SLC26A1: variants seen among roughly 807,000 people sequenced by gnomAD.
SLC26A1 encodes the protein sulfate anion transporter 1.
Under a neutral mutation model 14.5 loss-of-function variants are expected in SLC26A1, and 18 were observed. The ratio of observed to expected loss-of-function variants is 1.24; its 90% CI spans 0.86 to 1.84. The LOEUF is 1.84. SLC26A1 is among the 40% of genes most tolerant of loss of function. The pLI, the probability that SLC26A1 is intolerant of heterozygous loss-of-function variation, is 0.00. For synonymous variants in SLC26A1, 505 were observed against 492.0 expected (o/e 1.03, Z -0.35); for missense variants, 1,049 against 1,020.0 (o/e 1.03, Z -0.39).
In SLC26A1 at chr4:991,342, A is replaced by T. The variant is rs761782817; in HGVS notation, c.362T>A (p.Val121Asp). 3.1e-6 allele frequency: 5 copies of T among 1,612,868 alleles called. No homozygotes were observed. The highest frequency in any genetic ancestry group is 4.2e-6 in the Non-Finnish European group (5 of 1,179,928). ...AAGCAGGCTGAAGATGCCCACGGAG[A>T]CATGCCGTGAGGTGCCCATGAGGAA... Reference protein sequence around the residue: ...IYFLMGTSRHVSVGIFSLLCL... With the variant: ...IYFLMGTSRHDSVGIFSLLCL... Residue 121 changes from valine (V) to aspartate (D), a missense_variant, in exon 2 of 3, where the codon GTC (valine) becomes GAC (aspartate). Coordinates refer to ENST00000398516, the MANE Select transcript of SLC26A1 (RefSeq NM_022042.4).
At position 988,841 on chromosome 4, in the gene SLC26A1, G is replaced by C. The variant is rs1375582067; in HGVS notation, c.2098C>G (p.His700Asp). The change falls in exon 3 of 3, where the codon CAT (histidine) becomes GAT (aspartate). Residue 700 changes from histidine to aspartate, a missense_variant. By Grantham distance (81) the His-to-Asp change is moderately conservative. Transcript: ENST00000398516. ...RHRELEATDAHL is the reference protein window; with the variant it reads ...RHRELEATDADL Reference sequence around the variant, plus strand: ...GGGCAGGCCTGGCCCTGCTACAGATGGGCATCGGTGGCCTCCAGCTCCCTG... The same window carrying C: ...GGGCAGGCCTGGCCCTGCTACAGATCGGCATCGGTGGCCTCCAGCTCCCTG... 3.8e-6 allele frequency: 6 copies of C among 1,595,752 alleles called. No homozygotes were observed. Among genetic ancestry groups the C allele is most frequent in the African/African-American group, 2.7e-5 (2 of 74,574 alleles).
chr4:979,086 T>C (rs1026573289), exon 3 of SLC26A1: 4 of 208,328 alleles, frequency 1.9e-5, no homozygotes, highest in African/African-American at 9.2e-5. Flanking sequence ...TGCAATATCA[T>C]CTTCCACAGA....
chr4:987,130 T>G, downstream of SLC26A1: 2 of 1,438,082 alleles, frequency 1.4e-6, no homozygotes, highest in Non-Finnish European at 1.8e-6. Flanking sequence ...GCTCCTGGCC[T>G]CGCTCCTGGC....
Position 989,474 on chromosome 4 carries a change from C to T in SLC26A1, c.1465G>A (p.Gly489Arg), listed in dbSNP as rs779730277. 47 of 1,553,968 alleles carry T rather than the reference C, an allele frequency of 3.0e-5. No individual in the cohort carries two copies. The highest frequency in any genetic ancestry group is 2.1e-4 in the South Asian group (18 of 84,532). The change falls in exon 3 of 3, where the codon GGG becomes AGG. Residue 489 changes from glycine to arginine, a missense_variant. By Grantham distance (125) the Gly-to-Arg change is moderately radical. Transcript: ENST00000398516. Reference protein sequence around the residue: ...ATCMLVSTEAGLLAGVILSLL... With the variant: ...ATCMLVSTEARLLAGVILSLL... ...GAGAGGATGACGCCAGCCAGCAGCC[C>T]GGCCTCTGTGCTGACCAGCATACAG...
chr4:980,865 G>A (rs1713517984), intron 2 of SLC26A1, among the ~76,000 whole-genome samples: 1 of 151,870 alleles, frequency 6.6e-6, no homozygotes, highest in East Asian at 1.9e-4. Flanking sequence ...TCGGGAGAAA[G>A]GAAAAAACAG....
rs1353232878 is a variant in SLC26A1 at position 987,925 on chromosome 4, G to A, written c.*908C>T. ...GGCATCAAGCAGGTCCGGACCCACT[G>A]GCTGCTGGAGCTTGTCACCACCAGG... On this transcript the variant is annotated 3_prime_UTR_variant, in exon 3 of 3. Coordinates refer to ENST00000398516, the MANE Select transcript of SLC26A1 (RefSeq NM_022042.4). 1 of 1,593,990 alleles carries A rather than the reference G, an allele frequency of 6.3e-7. No individual in the cohort carries two copies. The highest frequency in any genetic ancestry group is 2.3e-5 in the East Asian group (1 of 43,750).
rs777698606 is a variant in SLC26A1, at chr4:987,949, G to A, written c.*884C>T. ...TGGCTGCTGGAGCTTGTCACCACCA[G>A]GTGGGCGGCGGGCAGGGTCTGGGCG... is the stretch of plus-strand genomic sequence containing the variant. On this transcript the variant is annotated 3_prime_UTR_variant, in exon 3 of 3. Coordinates refer to ENST00000398516, the MANE Select transcript of SLC26A1 (RefSeq NM_022042.4). 2 of 1,570,946 alleles carry A rather than the reference G, an allele frequency of 1.3e-6. No individual in the cohort carries two copies. Among genetic ancestry groups the A allele is most frequent in the Admixed American group, 3.7e-5 (2 of 54,020 alleles).
chr4:988,980 CA>C lies in SLC26A1; in HGVS notation c.1958del (p.Val653GlyfsTer5). ...SLLLACCSPP[V>X]RDILSRGGFL... ...AGCCTCCTCTGCTCAGAATGTCTCTCACAGGCGGGCTGCAGCAGGCTAGCAG... is the reference window on the plus strand; with the variant it reads ...AGCCTCCTCTGCTCAGAATGTCTCTCCAGGCGGGCTGCAGCAGGCTAGCAG... On this transcript the variant is annotated frameshift_variant, in exon 3 of 3. Transcript: ENST00000398516. LOFTEE classifies it low-confidence loss of function (END_TRUNC). 1 of 1,595,162 alleles carries C rather than the reference CA, an allele frequency of 6.3e-7. No homozygotes were observed. The highest frequency in any genetic ancestry group is 8.5e-7 in the Non-Finnish European group (1 of 1,171,528).
At chr4:990,762 G>T in intron 2 of SLC26A1, 1 of 391,306 alleles carries the variant, frequency 2.6e-6, no homozygotes, top group Non-Finnish European at 4.6e-6. Flanking sequence ...ACAGGCCAAG[G>T]CAGGAGACCT....
Position 989,953 on chromosome 4 carries a change from G to A in SLC26A1, c.986C>T (p.Pro329Leu). The A allele has an allele frequency of 1.9e-6, 3 of 1,556,138 alleles. No individual in the cohort carries two copies. The highest frequency in any genetic ancestry group is 2.6e-6 in the Non-Finnish European group (3 of 1,151,418). ...CAGCCTGGGCTCTGGGACCTGAGGG[G>A]GCATGAAACCCGTGGGGATGTCGCC... ...VAGDIPTGFM[P>L]PQVPEPRLMQ... is the part of the protein sequence containing the mutation. The change falls in exon 3 of 3, where the codon CCC becomes CTC. Residue 329 changes from proline to leucine, a missense_variant. Transcript: ENST00000398516.
rs763363876 is a variant in SLC26A1, at chr4:989,413, C to T, written c.1526G>A (p.Arg509His). The T allele has an allele frequency of 5.1e-6, 8 of 1,559,272 alleles. No homozygotes were observed. The highest frequency in any genetic ancestry group is 2.3e-5 in the South Asian group (2 of 85,146). The part of the protein sequence containing the change: ...LSLAGRTQRP[R>H]TALLARIGDT... ...CCCGATGCGGGCCAGCAGGGCGGTGCGTGGGCGTTGGGTGCGGCCGGCCAG... is the reference window on the plus strand; with the variant it reads ...CCCGATGCGGGCCAGCAGGGCGGTGTGTGGGCGTTGGGTGCGGCCGGCCAG... The change falls in exon 3 of 3, where the codon CGC becomes CAC. Residue 509 changes from arginine to histidine, a missense_variant. Coordinates refer to ENST00000398516, the MANE Select transcript of SLC26A1 (RefSeq NM_022042.4).
Position 979,304 on chromosome 4 carries a change from C to G in SLC26A1, c.*102G>C. On this transcript the variant is annotated 3_prime_UTR_variant, in exon 3 of 3. Transcript: ENST00000398520. ...CTGCCTTTTTTCCCCAGGTGCTGAT[C>G]CAAGCCTCCCTCTGGAATAAGCTGT... The G allele has an allele frequency of 1.3e-5, 10 of 752,328 alleles. No homozygotes were observed. The South Asian group carries it at 1.6e-4, about 12-fold the overall frequency. The allele number at this position is 752,328 out of a possible 1,614,324, so 46.6% of individuals were successfully genotyped here.
chr4:989,442 G>C lies in SLC26A1; in HGVS notation c.1497C>G (p.Leu499=). 6.4e-7 allele frequency: 1 copy of C among 1,554,068 alleles called. No homozygotes were observed. Among genetic ancestry groups the C allele is most frequent in the Non-Finnish European group, 8.7e-7 (1 of 1,149,204 alleles). The part of the protein sequence containing the change: ...GLLAGVILSL[L]SLAGRTQRPR... Reference sequence around the variant, plus strand: ...GGCGTTGGGTGCGGCCGGCCAGGCTGAGCAGCGAGAGGATGACGCCAGCCA... The same window carrying C: ...GGCGTTGGGTGCGGCCGGCCAGGCTCAGCAGCGAGAGGATGACGCCAGCCA... The change falls in exon 3 of 3, where the codon CTC becomes CTG. Residue 499 remains leucine, a synonymous_variant. Coordinates refer to ENST00000398516, the MANE Select transcript of SLC26A1 (RefSeq NM_022042.4).
chr4:986,854 G>C (rs929305336), downstream of SLC26A1: 1 of 647,750 alleles, frequency 1.5e-6, no homozygotes, highest in Admixed American at 2.1e-5. Flanking sequence ...CGAGTCATCG[G>C]TCCTCAGAGC....
At chr4:987,537 C>T, downstream of SLC26A1, 1 of 1,066,938 alleles carries the variant, frequency 9.4e-7, no homozygotes, top group Non-Finnish European at 1.3e-6. Context: ...GCCTGCCTGT[C>T]CCATTCCTTC....
chr4:989,113 A>G lies in SLC26A1; in HGVS notation c.1826T>C (p.Phe609Ser), dbSNP rs753608473. Residue 609 changes from phenylalanine (F) to serine (S), a missense_variant, in exon 3 of 3, where the codon TTC becomes TCC. Transcript: ENST00000398516. ...RAALVPAAAG[F>S]HTVVIDCAPL... is the part of the protein sequence containing the mutation. Reference sequence around the variant, plus strand: ...GGCGCAGTCGATGACCACTGTGTGGAAGCCGGCCGCTGCGGGCACCAGCGC... The same window carrying G: ...GGCGCAGTCGATGACCACTGTGTGGGAGCCGGCCGCTGCGGGCACCAGCGC... 83 of 1,605,212 alleles carry G rather than the reference A, an allele frequency of 5.2e-5. No homozygotes were observed. Among genetic ancestry groups the G allele is most frequent in the Non-Finnish European group, 7.0e-5 (82 of 1,176,198 alleles).
chr4:992,138 C>T (rs1445430435), intron 1 of SLC26A1: 1 of 480,248 alleles, frequency 2.1e-6, no homozygotes, highest in East Asian at 6.2e-5. Context: ...CCACCACGCA[C>T]ATGTGCCTAC....
In SLC26A1 at chr4:988,987, G is replaced by A. The variant is rs752465508; in HGVS notation, c.1952C>T (p.Pro651Leu). The change falls in exon 3 of 3, where the codon CCG becomes CTG. Residue 651 changes from proline (P) to leucine (L), a missense_variant. Physicochemically the swap from Pro to Leu is moderately conservative, Grantham distance 98 (BLOSUM62 -3). Transcript: ENST00000398516. ...TCTGCTCAGAATGTCTCTCACAGGCGGGCTGCAGCAGGCTAGCAGCAGGCT... is the reference window on the plus strand; with the variant it reads ...TCTGCTCAGAATGTCTCTCACAGGCAGGCTGCAGCAGGCTAGCAGCAGGCT... ...GISLLLACCS[P>L]PVRDILSRGG... 37 of 1,593,896 alleles carry A rather than the reference G, an allele frequency of 2.3e-5. No homozygotes were observed. The highest frequency in any genetic ancestry group is 5.2e-5 in the Admixed American group (3 of 57,380).
rs200470975 is a variant in SLC26A1 at position 989,695 on chromosome 4, G to A, written c.1244C>T (p.Ser415Phe). ...KTATGCRTQL[S>F]SVVSATVVLL... ...CACCACGGTGGCGCTGACCACGCTG[G>A]ACAGCTGTGTCCGGCAGCCAGTGGC... The change falls in exon 3 of 3, where the codon TCC (serine) becomes TTC (phenylalanine). Residue 415 changes from serine to phenylalanine, a missense_variant. Ser to Phe is a radical substitution (Grantham distance 155). Coordinates refer to ENST00000398516, the MANE Select transcript of SLC26A1 (RefSeq NM_022042.4). 4.6e-4 allele frequency: 721 copies of A among 1,562,362 alleles called. No individual in the cohort carries two copies. Among genetic ancestry groups the A allele is most frequent in the Middle Eastern group, 1.4e-3 (8 of 5,862 alleles).
Sources: gnomAD v4.1 joint callset for allele counts (sites outside exome capture counted in the v4.1 genomes callset) on GRCh38, gnomAD v4.1.1 for gene constraint, MANE v1.5 for transcripts, NCBI Gene and HGNC (gene_info 2026-07-23, HGNC 2026-07-21) for gene names.